Variants in BABAM2 observed in about 807,000 individuals in gnomAD.
The protein encoded by BABAM2 is BRISC and BRCA1 A complex member 2.
BABAM2 carries 31 observed loss-of-function variants against 54.7 expected under a neutral mutation model. The observed-to-expected ratio is 0.57, with a 90% confidence interval of 0.43 to 0.77. BABAM2 has a LOEUF of 0.77. Among genes scored for constraint, BABAM2 ranks in the 30% least tolerant of loss-of-function variants. The probability of loss-of-function intolerance (pLI) is 0.00; values close to 1 mark genes in which losing one functional copy is unlikely to be tolerated. For missense variants in BABAM2, 364 were observed against 455.8 expected (o/e 0.80, Z 1.83); for synonymous variants, 167 against 162.9 (o/e 1.03, Z -0.19).
chr2:28,294,100 G>A (rs1687495549), intron 10 of BABAM2, among the ~76,000 whole-genome samples: 1 of 151,888 alleles, frequency 6.6e-6, no homozygotes, highest in African/African-American at 2.4e-5. Context: ...CAAATGGCTG[G>A]CCAGGCATGG....
intron 6 of BABAM2, among the ~76,000 whole-genome samples, chr2:28,069,406 T>TTCCAGATA (rs1663917433): frequency 6.6e-6 from 1 of 152,242 alleles, no homozygotes. Flanking sequence ...TCTAATGTAC[T>TTCCAGATA]TCCAGATATC....
rs145123523 is a variant in BABAM2 at position 28,037,087 on chromosome 2, G to A, written c.496-8638G>A. Among the ~76,000 whole-genome samples the A allele has an allele frequency of 1.5e-3, 234 of 151,822 alleles. 3 individuals carry two copies. The highest frequency in any genetic ancestry group is 5.4e-3 in the African/African-American group (223 of 41,400). On this transcript the variant is annotated intron_variant, in intron 5 of 11. Coordinates refer to ENST00000379624, the MANE Select transcript of BABAM2 (RefSeq NM_199191.3). ...TTTTTAAATTCCTTAAAATTTTTTC[G>A]AATGGATAAGGTATTCATATTATTC...
At chr2:28,225,958 A>T (rs1005234938) in intron 7 of BABAM2, among the ~76,000 whole-genome samples, 3 of 152,158 alleles carry the variant, frequency 2.0e-5, no homozygotes, top group Admixed American at 1.3e-4. Flanking sequence ...AAATATTTCT[A>T]TAATCCTAGA....
intron 6 of BABAM2, among the ~76,000 whole-genome samples, chr2:28,107,049 G>A (rs6750906): frequency 0.98 from 149,566 of 152,302 alleles, 73,506 homozygotes; most frequent in East Asian, 1. Context: ...TCCTTAATAT[G>A]TTACTGTAAC....
chr2:28,250,651 G>C (rs1683383694), intron 10 of BABAM2, among the ~76,000 whole-genome samples: 1 of 150,126 alleles, frequency 6.7e-6, no homozygotes, highest in African/African-American at 2.5e-5. Context: ...CCAGGCTGGA[G>C]TGCAGTGGCA....
chr2:28,102,821 A>T (rs1201369859), intron 6 of BABAM2, among the ~76,000 whole-genome samples: 1 of 152,216 alleles, frequency 6.6e-6, no homozygotes, highest in Non-Finnish European at 1.5e-5. Flanking sequence ...AGACCATTGG[A>T]GGTAAACCAA....
At chr2:28,266,785 A>G (rs966511738) in intron 10 of BABAM2, among the ~76,000 whole-genome samples, 3 of 152,204 alleles carry the variant, frequency 2.0e-5, no homozygotes, top group African/African-American at 7.2e-5. Flanking sequence ...ACTTCTCCAT[A>G]TTTACCATAT....
At chr2:28,244,613 A>G (rs1489687784) in intron 9 of BABAM2, among the ~76,000 whole-genome samples, 167 bp from the exon 10 acceptor site, 1 of 152,214 alleles carries the variant, frequency 6.6e-6, no homozygotes, top group Non-Finnish European at 1.5e-5. Flanking sequence ...AGATACTGTC[A>G]TTCCAAACCC....
intron 3 of BABAM2, among the ~76,000 whole-genome samples, chr2:27,935,534 A>G (rs1480486810): frequency 1.3e-5 from 2 of 152,254 alleles, no homozygotes; most frequent in African/African-American, 4.8e-5. Flanking sequence ...TTAAGATGCT[A>G]TGAACATTGT....
chr2:28,093,849 AG>A (rs1209371775), intron 6 of BABAM2, among the ~76,000 whole-genome samples: 1 of 152,224 alleles, frequency 6.6e-6, no homozygotes. Flanking sequence ...TTAAGACAAA[AG>A]TACAGACTTC....
At chr2:27,963,579 C>A (rs1029571403) in intron 3 of BABAM2, among the ~76,000 whole-genome samples, 3 of 151,152 alleles carry the variant, frequency 2.0e-5, no homozygotes, top group Non-Finnish European at 4.4e-5. Flanking sequence ...CTTTAGTAGC[C>A]AACATGGATT....
At chr2:28,075,581 T>G (rs1428234740) in intron 6 of BABAM2, among the ~76,000 whole-genome samples, 1 of 151,932 alleles carries the variant, frequency 6.6e-6, no homozygotes, top group East Asian at 1.9e-4. Flanking sequence ...TGTGTGTGCG[T>G]GTGTGTGTGC....
At chr2:28,211,419 C>T (rs1446480002) in intron 7 of BABAM2, among the ~76,000 whole-genome samples, 1 of 88,460 alleles carries the variant, frequency 1.1e-5, no homozygotes. Flanking sequence ...AAGAGTTTCG[C>T]TCTTGTTGCC....
chr2:28,201,837 C>A (rs1678306736), intron 7 of BABAM2, among the ~76,000 whole-genome samples: 1 of 152,116 alleles, frequency 6.6e-6, no homozygotes, highest in Admixed American at 6.6e-5. Flanking sequence ...GAAGACAAAG[C>A]CTCTGGCAAG....
intron 7 of BABAM2, among the ~76,000 whole-genome samples, chr2:28,175,687 T>C (rs1250777025): frequency 6.6e-6 from 1 of 152,236 alleles, no homozygotes; most frequent in Non-Finnish European, 1.5e-5. Context: ...ATCCATGCTA[T>C]GCATGCTGCC....
At chr2:28,189,686 T>C (rs1413157553) in intron 7 of BABAM2, among the ~76,000 whole-genome samples, 1 of 152,138 alleles carries the variant, frequency 6.6e-6, no homozygotes, top group Non-Finnish European at 1.5e-5. Flanking sequence ...AGTATTAAGA[T>C]GTCAATTCTT....
chr2:28,140,300 A>G (rs1258280415), intron 7 of BABAM2, among the ~76,000 whole-genome samples: 1 of 152,224 alleles, frequency 6.6e-6, no homozygotes, highest in Non-Finnish European at 1.5e-5. Context: ...TATAAAACAG[A>G]TGGTCATCAA....
At chr2:28,131,072 TATTA>T (rs1306431763) in intron 7 of BABAM2, among the ~76,000 whole-genome samples, 1 of 3,090 alleles carries the variant, frequency 3.2e-4, no homozygotes, top group East Asian at 5.1e-3. Context: ...TTATTATTAT[TATTA>T]TTATTTTTTT....
intron 7 of BABAM2, among the ~76,000 whole-genome samples, chr2:28,226,704 G>C (rs1455695450): frequency 6.6e-6 from 1 of 152,224 alleles, no homozygotes; most frequent in East Asian, 1.9e-4. Context: ...AGGTGAAGAA[G>C]CCCGCCCCGC....
Sources: allele counts gnomAD v4.1 joint callset (sites outside exome capture counted in the v4.1 genomes callset), GRCh38; gene constraint gnomAD v4.1.1; transcripts MANE v1.5; gene names NCBI Gene and HGNC (gene_info 2026-07-23, HGNC 2026-07-21).